Variants in SRD5A1 observed in about 807,000 individuals in gnomAD.
SRD5A1 encodes the protein steroid 5 alpha-reductase 1.
Under a neutral mutation model 28.2 loss-of-function variants are expected in SRD5A1, and 22 were observed. The ratio of observed to expected loss-of-function variants is 0.78; its 90% CI spans 0.56 to 1.12. SRD5A1 has a LOEUF of 1.12. SRD5A1 is among the 50% of genes most tolerant of loss of function. The pLI, the probability that SRD5A1 is intolerant of heterozygous loss-of-function variation, is 0.00. For missense variants in SRD5A1, 300 were observed against 346.7 expected (o/e 0.87, Z 1.07); for synonymous variants, 151 against 135.0 (o/e 1.12, Z -0.82).
chr5:6,665,442 C>G (rs1388991531), intron 4 of SRD5A1, among the ~76,000 whole-genome samples: 2 of 152,180 alleles, frequency 1.3e-5, no homozygotes, highest in Non-Finnish European at 2.9e-5. Context: ...GATTGGTGAA[C>G]CCCTCTGTTT....
intron 4 of SRD5A1, among the ~76,000 whole-genome samples, chr5:6,666,457 C>T (rs1032856011): frequency 1.3e-5 from 2 of 152,062 alleles, no homozygotes; most frequent in Admixed American, 1.3e-4. Context: ...TGGATTATAA[C>T]GTTCTAAAAA....
At position 6,669,347 on chromosome 5, in the gene SRD5A1, T is replaced by C. The variant is rs891802761; in HGVS notation, c.*1079T>C. 6.6e-6 allele frequency: 1 copy of C among 152,248 alleles called. No individual in the cohort carries two copies. The highest frequency in any genetic ancestry group is 2.4e-5 in the African/African-American group (1 of 41,464). The allele number at this position is 152,248 out of a possible 1,614,324, so 9.4% of individuals were successfully genotyped here. A position where few individuals can be genotyped will look rare whatever the true frequency, so the allele number is the denominator to read the frequency against. ...TTTGCTGTTGTTGCTTTGCAAAGCT[T>C]TCCCCTCATAGCCTGTACCTGTTAT... On this transcript the variant is annotated 3_prime_UTR_variant, in exon 5 of 5. Coordinates refer to ENST00000274192, the MANE Select transcript of SRD5A1 (RefSeq NM_001047.4).
rs1009302916 is a variant in SRD5A1, at chr5:6,659,621, G to T, written c.563-3195G>T. Reference sequence around the variant, plus strand: ...CGTTTGCAGGTACGCACCCTATACCGGAGGAAGTGGACAGGAAACAGTGAC... The same window carrying T: ...CGTTTGCAGGTACGCACCCTATACCTGAGGAAGTGGACAGGAAACAGTGAC... On this transcript the variant is annotated intron_variant, in intron 3 of 4. Transcript: ENST00000274192. Among the ~76,000 whole-genome samples the T allele has an allele frequency of 2.0e-5, 3 of 152,154 alleles. No individual in the cohort carries two copies. In the East Asian group the frequency reaches 5.8e-4, roughly 29 times the overall value.
At chr5:6,666,133 C>T (rs775944832) in intron 4 of SRD5A1, among the ~76,000 whole-genome samples, 5 of 152,150 alleles carry the variant, frequency 3.3e-5, no homozygotes, top group Non-Finnish European at 7.4e-5. Context: ...AGGATCTATT[C>T]CTTGCACTCC....
intron 1 of SRD5A1, among the ~76,000 whole-genome samples, chr5:6,646,640 A>G (rs1218788258): frequency 6.6e-6 from 1 of 151,838 alleles, no homozygotes; most frequent in Non-Finnish European, 1.5e-5. Context: ...ATCATTTTTT[A>G]TTGCATCTAT....
chr5:6,647,029 A>G (rs1738528695), intron 1 of SRD5A1, among the ~76,000 whole-genome samples: 1 of 152,040 alleles, frequency 6.6e-6, no homozygotes, highest in African/African-American at 2.4e-5. Context: ...TCATTTTGTT[A>G]TTTATCCAGT....
At position 6,651,896 on chromosome 5, in the gene SRD5A1, G is replaced by A. The variant is rs8192186; in HGVS notation, c.348G>A (p.Ala116=). ...GAGGAAAGCCTATGCCACTGTTGGC[G>A]TGTACAATGGCGATTATGTTCTGTA... ...MRGGKPMPLL[A]CTMAIMFCTC... is the part of the protein sequence containing the mutation. Residue 116 remains alanine (A), a synonymous_variant, in exon 2 of 5, where the codon GCG becomes GCA. Coordinates refer to ENST00000274192, the MANE Select transcript of SRD5A1 (RefSeq NM_001047.4). 578,227 of 1,612,270 alleles carry A rather than the reference G, an allele frequency of 0.36. 106,895 individuals carry two copies. The highest frequency in any genetic ancestry group is 0.38 in the Non-Finnish European group (445,521 of 1,178,938).
rs535389185 is a variant in SRD5A1 at position 6,668,442 on chromosome 5, C to T, written c.*174C>T. 4.9e-5 allele frequency: 23 copies of T among 466,142 alleles called. No individual in the cohort carries two copies. The highest frequency in any genetic ancestry group is 8.4e-5 in the Admixed American group (2 of 23,810). The allele number at this position is 466,142 out of a possible 1,614,324, so 28.9% of individuals were successfully genotyped here. ...AATCTACCTAATAAGTACCTAAATA[C>T]GCTGAAATGGAGGTTGAATATCCTA... On this transcript the variant is annotated 3_prime_UTR_variant, in exon 5 of 5. Transcript: ENST00000274192.
chr5:6,653,062 C>T (rs1196010089), intron 2 of SRD5A1, among the ~76,000 whole-genome samples: 1 of 152,146 alleles, frequency 6.6e-6, no homozygotes, highest in Non-Finnish European at 1.5e-5. Flanking sequence ...CCTTAAGCTA[C>T]ATAAAGTGAC....
At chr5:6,636,859 T>C (rs1738197270) in intron 1 of SRD5A1, among the ~76,000 whole-genome samples, 1 of 151,908 alleles carries the variant, frequency 6.6e-6, no homozygotes, top group African/African-American at 2.4e-5. Flanking sequence ...TTATGGAGAA[T>C]CTATGGGGTC....
At chr5:6,658,617 G>A (rs949394707) in intron 3 of SRD5A1, among the ~76,000 whole-genome samples, 12 of 152,146 alleles carry the variant, frequency 7.9e-5, no homozygotes, top group African/African-American at 2.4e-4. Flanking sequence ...ACCAGACATC[G>A]GTGCAGATGA....
chr5:6,654,565 T>G (rs970295498), intron 2 of SRD5A1, among the ~76,000 whole-genome samples: 1 of 152,290 alleles, frequency 6.6e-6, no homozygotes, highest in South Asian at 2.1e-4. Flanking sequence ...TCAGAGTAGC[T>G]GGGATTACAG....
At chr5:6,666,986 C>T (rs8192248) in intron 4 of SRD5A1, among the ~76,000 whole-genome samples, 12 of 152,216 alleles carry the variant, frequency 7.9e-5, no homozygotes, top group Admixed American at 1.3e-4. Flanking sequence ...TGTCACTGTG[C>T]GGCGGCCAGT....
chr5:6,656,272 T>A, intron 3 of SRD5A1, 93 bp downstream of exon 3: 2 of 930,114 alleles, frequency 2.2e-6, no homozygotes, highest in South Asian at 1.5e-5. Flanking sequence ...AGTAGCGTAG[T>A]AGTTATTAGC....
At position 6,660,429 on chromosome 5, in the gene SRD5A1, G is replaced by A. The variant is rs73033327; in HGVS notation, c.563-2387G>A. Among the ~76,000 whole-genome samples, 1,148 of 152,348 alleles carry A rather than the reference G, an allele frequency of 7.5e-3. 13 individuals are homozygous for A. The highest frequency in any genetic ancestry group is 0.027 in the African/African-American group (1,103 of 41,584). ...CCTTTGGGTGACTGGCATCTGCAGGGTATGGTACAAAGGTCCTTCCACGTC... is the reference window on the plus strand; with the variant it reads ...CCTTTGGGTGACTGGCATCTGCAGGATATGGTACAAAGGTCCTTCCACGTC... On this transcript the variant is annotated intron_variant, in intron 3 of 4. Coordinates refer to ENST00000274192, the MANE Select transcript of SRD5A1 (RefSeq NM_001047.4).
At chr5:6,659,486 G>C (rs911960302) in intron 3 of SRD5A1, among the ~76,000 whole-genome samples, 5 of 141,284 alleles carry the variant, frequency 3.5e-5, no homozygotes, top group Non-Finnish European at 6.3e-5. Flanking sequence ...ATCCATCCTA[G>C]GCACATTGAA....
chr5:6,659,731 G>A (rs1279479222), intron 3 of SRD5A1, among the ~76,000 whole-genome samples: 1 of 152,126 alleles, frequency 6.6e-6, no homozygotes, highest in Non-Finnish European at 1.5e-5. Flanking sequence ...GGTCTTAGAG[G>A]CAGCAACACG....
At chr5:6,633,896 AC>A in intron 1 of SRD5A1, 27 bp downstream of exon 1, 1 of 1,590,930 alleles carries the variant, frequency 6.3e-7, no homozygotes, top group Non-Finnish European at 8.5e-7. Context: ...CCGGCCCCCT[AC>A]CCTACTCCCG....
At chr5:6,653,061 A>G (rs1272120127) in intron 2 of SRD5A1, among the ~76,000 whole-genome samples, 1 of 152,206 alleles carries the variant, frequency 6.6e-6, no homozygotes, top group Non-Finnish European at 1.5e-5. Context: ...ACCTTAAGCT[A>G]CATAAAGTGA....
Sources: gnomAD v4.1 joint callset for allele counts (sites outside exome capture counted in the v4.1 genomes callset) on GRCh38, gnomAD v4.1.1 for gene constraint, MANE v1.5 for transcripts, NCBI Gene and HGNC (gene_info 2026-07-23, HGNC 2026-07-21) for gene names.